The following EML4 variants were observed in gnomAD, a reference collection of about 807,000 sequenced individuals.
EML4 encodes the protein echinoderm microtubule-associated protein-like 4.
In EML4, 72 loss-of-function variants were observed where a neutral mutation model predicts 129.0. The ratio of observed to expected loss-of-function variants is 0.56; its 90% CI spans 0.46 to 0.68. EML4 has a LOEUF of 0.68. Ranked by LOEUF, EML4 falls within the 30% of genes least tolerant of loss-of-function variation. EML4 has a pLI of 0.00. For synonymous variants in EML4, 532 were observed against 405.0 expected (o/e 1.31, Z -3.77); for missense variants, 1,363 against 1,190.6 (o/e 1.14, Z -2.13).
At chr2:42,279,556 C>T (rs920267462) in intron 6 of EML4, among the ~76,000 whole-genome samples, 3 of 151,896 alleles carry the variant, frequency 2.0e-5, no homozygotes, top group Non-Finnish European at 4.4e-5. Flanking sequence ...CTCCCAGGTT[C>T]ACGCCATTCT....
rs1336504341 is a variant in EML4, at chr2:42,328,949, A to G, written c.2405A>G (p.Lys802Arg). The G allele has an allele frequency of 1.9e-6, 3 of 1,613,564 alleles. No homozygotes were observed. Among genetic ancestry groups the G allele is most frequent in the Non-Finnish European group, 2.5e-6 (3 of 1,179,792 alleles). ...INALVRSHNR[K>R]VIAVADDFCK... ...GCACTGGTGCGATCCCACAATAGAAAGGTGATAGCTGTTGCCGATGACTTT... is the reference window on the plus strand; with the variant it reads ...GCACTGGTGCGATCCCACAATAGAAGGGTGATAGCTGTTGCCGATGACTTT... The change falls in exon 22 of 23, where the codon AAG becomes AGG. Residue 802 changes from lysine (K) to arginine (R), a missense_variant. Lys to Arg is a conservative substitution (Grantham distance 26). Coordinates refer to ENST00000318522, the MANE Select transcript of EML4 (RefSeq NM_019063.5).
chr2:42,242,056 T>TAA (rs921978843), intron 1 of EML4, among the ~76,000 whole-genome samples: 3 of 152,186 alleles, frequency 2.0e-5, no homozygotes, highest in African/African-American at 7.2e-5. Flanking sequence ...TCACACAACT[T>TAA]AAACACCTTA....
intron 14 of EML4, among the ~76,000 whole-genome samples, chr2:42,302,021 A>C (rs1668311923): frequency 6.6e-6 from 1 of 152,112 alleles, no homozygotes; most frequent in African/African-American, 2.4e-5. Flanking sequence ...CCCACTTGAT[A>C]AAGTGGGATT....
chr2:42,219,351 G>A (rs1156477495), intron 1 of EML4, among the ~76,000 whole-genome samples: 1 of 152,128 alleles, frequency 6.6e-6, no homozygotes, highest in Non-Finnish European at 1.5e-5. Context: ...GGATTGTGCA[G>A]GGCTGACTAT....
rs562363080 is a variant in EML4 at position 42,239,584 on chromosome 2, CT to C, written c.26-5914del. Among the ~76,000 whole-genome samples, 391 of 152,186 alleles carry C rather than the reference CT, an allele frequency of 2.6e-3. 3 individuals are homozygous for C. The highest frequency in any genetic ancestry group is 8.4e-3 in the African/African-American group (349 of 41,532). The stretch of plus-strand genomic sequence containing the variant: ...ATCTCCGTTTTCTCTTCATTCTTTA[CT>C]TTTTTTCTTAATGAGTTCAAAAATG... On this transcript the variant is annotated intron_variant, in intron 1 of 22. Coordinates refer to ENST00000318522, the MANE Select transcript of EML4 (RefSeq NM_019063.5).
chr2:42,248,323 C>T (rs902974337), intron 2 of EML4, among the ~76,000 whole-genome samples: 2 of 151,988 alleles, frequency 1.3e-5, no homozygotes, highest in African/African-American at 4.8e-5. Context: ...ATTGTATCTA[C>T]TAAGGTATTT....
At chr2:42,274,262 T>G (rs972023442) in intron 6 of EML4, among the ~76,000 whole-genome samples, 35 of 152,158 alleles carry the variant, frequency 2.3e-4, no homozygotes, top group African/African-American at 8.2e-4. Context: ...TTCTAAAGAT[T>G]GTAAAATACA....
chr2:42,243,740 C>T (rs571491923), intron 1 of EML4, among the ~76,000 whole-genome samples: 15 of 152,096 alleles, frequency 9.9e-5, no homozygotes, highest in Non-Finnish European at 2.2e-4. Flanking sequence ...TGGTGTATAT[C>T]ATCTTAAATA....
chr2:42,280,230 T>G (rs1666930697), intron 6 of EML4, among the ~76,000 whole-genome samples: 1 of 152,244 alleles, frequency 6.6e-6, no homozygotes, highest in Non-Finnish European at 1.5e-5. Flanking sequence ...ATTTTTCTAC[T>G]CAGCCTTCCT....
intron 1 of EML4, among the ~76,000 whole-genome samples, chr2:42,206,140 A>T (rs1672525914): frequency 6.6e-6 from 1 of 152,208 alleles, no homozygotes; most frequent in African/African-American, 2.4e-5. Context: ...TTCAAGTTTC[A>T]CAAATTTGTT....
At chr2:42,278,269 C>G (rs971521776) in intron 6 of EML4, among the ~76,000 whole-genome samples, 1 of 151,922 alleles carries the variant, frequency 6.6e-6, no homozygotes, top group African/African-American at 2.4e-5. Context: ...TTTTTGTTTT[C>G]AAAGGACTAA....
chr2:42,329,804 A>ACC lies in EML4; in HGVS notation c.2544_2545dup (p.Leu849ProfsTer2). The stretch of plus-strand genomic sequence containing the variant: ...GTCAGTTTTACTCACAATGACAGTC[A>ACC]CCTGATATCAACTGGTGGAAAAGAC... On this transcript the variant is annotated frameshift_variant, in exon 23 of 23. Transcript: ENST00000318522. LOFTEE classifies it high-confidence loss of function. 1 of 1,614,152 alleles carries ACC rather than the reference A, an allele frequency of 6.2e-7. No homozygotes were observed.
intron 1 of EML4, among the ~76,000 whole-genome samples, chr2:42,172,848 A>C (rs1163988250): frequency 6.6e-6 from 1 of 152,178 alleles, no homozygotes; most frequent in Non-Finnish European, 1.5e-5. Context: ...GGTGCATTTC[A>C]TGCTTAATCT....
Position 42,331,540 on chromosome 2 carries a change from A to G in EML4, c.*1333A>G, listed in dbSNP as rs567143584. The G allele has an allele frequency of 4.5e-6, 1 of 223,932 alleles. No individual in the cohort carries two copies. The highest frequency in any genetic ancestry group is 6.5e-5 in the East Asian group (1 of 15,268). The allele number at this position is 223,932 out of a possible 1,614,324, so 13.9% of individuals were successfully genotyped here. Reference sequence around the variant, plus strand: ...AAAAGTATTTTGTTTTGATTTTTTAACTTGCTGCATTGTTTTGATACTTTC... The same window carrying G: ...AAAAGTATTTTGTTTTGATTTTTTAGCTTGCTGCATTGTTTTGATACTTTC... On this transcript the variant is annotated 3_prime_UTR_variant, in exon 23 of 23. Transcript: ENST00000318522.
At chr2:42,264,270 A>G (rs1665929364) in intron 5 of EML4, among the ~76,000 whole-genome samples, 1 of 151,796 alleles carries the variant, frequency 6.6e-6, no homozygotes, top group Admixed American at 6.6e-5. Context: ...GCGTGCCACC[A>G]TGCCCAACTA....
rs1670137298 is a variant in EML4, at chr2:42,169,647, C to T, written c.25+11C>T. The T allele has an allele frequency of 1.2e-6, 2 of 1,601,478 alleles. No homozygotes were observed. The highest frequency in any genetic ancestry group is 2.3e-5 in the East Asian group (1 of 43,622). ...TCGCCGGCAGTCTCGGTGAGTACGG[C>T]TGGGGAGTCCTGCGTCTTCTGCGAA... On this transcript the variant is annotated intron_variant, in intron 1 of 22. Transcript: ENST00000318522.
chr2:42,267,559 ATACTT>A (rs1401014208), intron 6 of EML4, among the ~76,000 whole-genome samples: 3 of 152,236 alleles, frequency 2.0e-5, no homozygotes, highest in African/African-American at 7.2e-5. Flanking sequence ...GTAACAGAGA[ATACTT>A]TACCTGAAAG....
At chr2:42,253,721 G>GA (rs991015501) in intron 2 of EML4, among the ~76,000 whole-genome samples, 3 of 151,346 alleles carry the variant, frequency 2.0e-5, no homozygotes, top group Non-Finnish European at 4.4e-5. Flanking sequence ...ATGCCAGGGG[G>GA]AAAAAAAAGA....
At chr2:42,240,855 A>T (rs958096878) in intron 1 of EML4, among the ~76,000 whole-genome samples, 2 of 152,172 alleles carry the variant, frequency 1.3e-5, no homozygotes, top group African/African-American at 4.8e-5. Context: ...AATAGCAAAC[A>T]GATGGCCGGG....
Sources: gnomAD v4.1 joint callset for allele counts (sites outside exome capture counted in the v4.1 genomes callset) on GRCh38, gnomAD v4.1.1 for gene constraint, MANE v1.5 for transcripts, NCBI Gene and HGNC (gene_info 2026-07-23, HGNC 2026-07-21) for gene names.